Variants in CDHR2 observed in about 807,000 individuals in gnomAD.
CDHR2 encodes the protein cadherin-related family member 2.
A neutral mutation model predicts 138.6 loss-of-function variants in CDHR2; 104 were observed. The observed-to-expected ratio is 0.75, with a 90% CI of 0.64 to 0.88. The LOEUF (loss-of-function observed/expected upper bound fraction) is 0.88. Among genes scored for constraint, CDHR2 ranks in the 40% least tolerant of loss-of-function variants. The probability of loss-of-function intolerance (pLI) is 0.00; values close to 1 mark genes in which losing one functional copy is unlikely to be tolerated. For synonymous variants in CDHR2, 755 were observed against 742.8 expected, an observed-to-expected ratio of 1.02 and a Z score of -0.27; for missense variants, 1,624 against 1,727.6, an observed-to-expected ratio of 0.94 and a Z score of 1.06.
At chr5:176,589,222 G>A in intron 22 of CDHR2, 40 bp downstream of exon 22, 2 of 1,611,372 alleles carry the variant, frequency 1.2e-6, no homozygotes, top group Non-Finnish European at 1.7e-6. Context: ...TGCGGGGAGG[G>A]GCCCGATAGG....
In CDHR2 at chr5:176,590,590, C is replaced by T. The variant is rs913091581; in HGVS notation, c.3442C>T (p.Leu1148=). Residue 1148 remains leucine, a synonymous_variant, in exon 28 of 32, where the codon CTG becomes TTG. Transcript: ENST00000261944. ...CTCCCAGGAGAGCCAGGAGTCAGAC[C>T]TGTCGAAACAGCTCATCAGTGTCAT... ...LGSQESQESD[L]SKQLISVIIG... The T allele has an allele frequency of 1.9e-6, 3 of 1,613,930 alleles. No individual in the cohort carries two copies. The highest frequency in any genetic ancestry group is 2.7e-5 in the African/African-American group (2 of 74,884).
At chr5:176,570,808 G>C (rs906911716) in intron 5 of CDHR2, among the ~76,000 whole-genome samples, 2 of 151,956 alleles carry the variant, frequency 1.3e-5, no homozygotes. Flanking sequence ...AAAACTAACT[G>C]GGTGTGGTGG....
chr5:176,595,139 G>T (rs1167008582), intron 31 of CDHR2, among the ~76,000 whole-genome samples: 1 of 152,188 alleles, frequency 6.6e-6, no homozygotes, highest in Non-Finnish European at 1.5e-5. Flanking sequence ...GTTTCAGTGG[G>T]TAGTTGAGGT....
intron 16 of CDHR2, among the ~76,000 whole-genome samples, chr5:176,579,833 T>A (rs1318283812): frequency 6.6e-6 from 1 of 152,084 alleles, no homozygotes; most frequent in Non-Finnish European, 1.5e-5. Flanking sequence ...CCCTGAGTCC[T>A]CAGAGATGAG....
intron 21 of CDHR2, 129 bp from the exon 22 acceptor site, chr5:176,588,902 C>A: frequency 1.1e-6 from 1 of 875,416 alleles, no homozygotes; most frequent in Non-Finnish European, 1.8e-6. Context: ...TTATTCGGGG[C>A]AGCGTGGGGA....
chr5:176,571,138 T>C (rs1758219128), intron 5 of CDHR2, 75 bp from the exon 6 acceptor site: 1 of 948,578 alleles, frequency 1.1e-6, no homozygotes, highest in African/African-American at 1.6e-5. Flanking sequence ...ACACCAGCTC[T>C]TTGTACGATA....
In CDHR2 at chr5:176,590,025, C is replaced by T. The variant is rs376981808; in HGVS notation, c.3207-53C>T. 2.9e-5 allele frequency: 42 copies of T among 1,451,960 alleles called. No individual in the cohort carries two copies. In the African/African-American group the frequency reaches 5.2e-4, roughly 18 times the overall value. The allele number at this position is 1,451,960 out of a possible 1,614,324, so 89.9% of individuals were successfully genotyped here. On this transcript the variant is annotated intron_variant, in intron 24 of 31. Coordinates refer to ENST00000261944, the MANE Select transcript of CDHR2 (RefSeq NM_017675.6). Reference sequence around the variant, plus strand: ...CTTAATCCCACTGGCACAGCCCTGGCCACAGGCCCAGGCTAAGACCCCAGG... The same window carrying T: ...CTTAATCCCACTGGCACAGCCCTGGTCACAGGCCCAGGCTAAGACCCCAGG...
Position 176,590,467 on chromosome 5 carries a change from G to A in CDHR2, c.3396G>A (p.Gln1132=). 6.2e-7 allele frequency: 1 copy of A among 1,614,058 alleles called. No individual in the cohort carries two copies. Among genetic ancestry groups the A allele is most frequent in the South Asian group, 1.1e-5 (1 of 91,084 alleles). ...NDQDSLTQLL[Q]LGLVVLGSQE... Reference sequence around the variant, plus strand: ...AGGACTCGCTGACGCAGCTGCTGCAGCTGGGGCTGGTGGTGCTGGTGAGTG... The same window carrying A: ...AGGACTCGCTGACGCAGCTGCTGCAACTGGGGCTGGTGGTGCTGGTGAGTG... Residue 1132 remains glutamine (Q), a synonymous_variant, in exon 27 of 32, where the codon CAG becomes CAA. Coordinates refer to ENST00000261944, the MANE Select transcript of CDHR2 (RefSeq NM_017675.6).
At chr5:176,566,473 G>A (rs1482271786) in intron 3 of CDHR2, among the ~76,000 whole-genome samples, 1 of 152,214 alleles carries the variant, frequency 6.6e-6, no homozygotes, top group African/African-American at 2.4e-5. Flanking sequence ...GGCCGGGTTG[G>A]TTGGGACCCC....
At chr5:176,591,986 TGAG>T (rs1758869769) in intron 30 of CDHR2, among the ~76,000 whole-genome samples, 1 of 147,882 alleles carries the variant, frequency 6.8e-6, no homozygotes, top group African/African-American at 2.5e-5. Context: ...GTGTTGGTGT[TGAG>T]GTGATGGTGG....
At position 176,576,273 on chromosome 5, in the gene CDHR2, G is replaced by A; in HGVS notation, c.1194+88G>A. On this transcript the variant is annotated intron_variant, in intron 12 of 31. Coordinates refer to ENST00000261944, the MANE Select transcript of CDHR2 (RefSeq NM_017675.6). This position sits in a 1 kb window ranked among gnomAD's most constrained non-coding sequence, Gnocchi z 4.5. Reference sequence around the variant, plus strand: ...GAGTGACGGTGTCATGTGGTGCTGGGTGGCGGTGCTGGTGGTGCAGGGTGT... The same window carrying A: ...GAGTGACGGTGTCATGTGGTGCTGGATGGCGGTGCTGGTGGTGCAGGGTGT... 1.9e-6 allele frequency: 2 copies of A among 1,076,892 alleles called. No homozygotes were observed. Among genetic ancestry groups the A allele is most frequent in the Non-Finnish European group, 2.7e-6 (2 of 738,494 alleles). 66.7% of individuals were successfully genotyped at this position (1,076,892 alleles called of 1,614,324 possible). A position where few individuals can be genotyped will look rare whatever the true frequency, so the allele number is the denominator to read the frequency against.
At chr5:176,567,498 T>C (rs1208392318) in intron 3 of CDHR2, among the ~76,000 whole-genome samples, 3 of 150,530 alleles carry the variant, frequency 2.0e-5, no homozygotes, top group South Asian at 2.1e-4. Context: ...ATTTTTATAT[T>C]TATTTATTTT....
chr5:176,575,919 T>TCTCTGCC (rs775363089), intron 11 of CDHR2, 33 bp from the exon 12 acceptor site: 79 of 1,587,354 alleles, frequency 5.0e-5, no homozygotes, highest in South Asian at 2.6e-4. Context: ...GAGCACTGGC[T>TCTCTGCC]CTCTGCCCTC....
At chr5:176,544,787 T>G (rs1010590231), upstream of CDHR2, among the ~76,000 whole-genome samples, 1 of 152,194 alleles carries the variant, frequency 6.6e-6, no homozygotes, top group African/African-American at 2.4e-5. Flanking sequence ...ATCACGGGGA[T>G]ATTCTTGGGC....
intron 1 of CDHR2, among the ~76,000 whole-genome samples, chr5:176,559,051 C>T (rs1023810368): frequency 1.3e-5 from 2 of 152,186 alleles, no homozygotes; most frequent in Admixed American, 6.5e-5. Flanking sequence ...GGCCTCTTAA[C>T]GTGGTTAGCT....
In CDHR2 at chr5:176,589,620, G is replaced by T; in HGVS notation, c.3206+4G>T. On this transcript the variant is annotated splice_donor_region_variant and intron_variant, in intron 24 of 31. Transcript: ENST00000261944. ...CCAACAGACAGGCGATTAATGCGTA[G>T]GTCTGGGGAGCCCCGGAGGGAGGGG... 1 of 1,613,720 alleles carries T rather than the reference G, an allele frequency of 6.2e-7. No individual in the cohort carries two copies. Among genetic ancestry groups the T allele is most frequent in the Non-Finnish European group, 8.5e-7 (1 of 1,179,760 alleles).
chr5:176,591,335 T>C lies in CDHR2; in HGVS notation c.3653+12T>C, dbSNP rs1758836547. The C allele has an allele frequency of 6.2e-7, 1 of 1,612,120 alleles. No individual in the cohort carries two copies. The highest frequency in any genetic ancestry group is 8.5e-7 in the Non-Finnish European group (1 of 1,178,294). On this transcript the variant is annotated intron_variant, in intron 29 of 31. Coordinates refer to ENST00000261944, the MANE Select transcript of CDHR2 (RefSeq NM_017675.6). ...TACAACACTGAGCGGTGAGCAGGGG[T>C]CAAAGGGTAGGTAAGAGGCCTGGTG...
At chr5:176,567,913 A>G (rs1180764133) in intron 3 of CDHR2, among the ~76,000 whole-genome samples, 1 of 152,218 alleles carries the variant, frequency 6.6e-6, no homozygotes, top group Admixed American at 6.5e-5. Context: ...ACAGATGTAA[A>G]CCACCATACC....
rs548300942 is a variant in CDHR2 at position 176,588,024 on chromosome 5, G to A, written c.2857-1007G>A. On this transcript the variant is annotated intron_variant, in intron 21 of 31. Transcript: ENST00000261944. ...CCTTAACAGTAACGTTGGTGAACTC[G>A]AAGCTCTGTGTGCTGGTTAAATTTT... 3.3e-5 allele frequency among the ~76,000 whole-genome samples: 5 copies of A among 152,262 alleles called. No individual in the cohort carries two copies. The East Asian group carries it at 5.8e-4, about 18-fold the overall frequency.
Sources: allele counts gnomAD v4.1 joint callset (sites outside exome capture counted in the v4.1 genomes callset), GRCh38; gene constraint gnomAD v4.1.1; non-coding constraint Gnocchi (gnomAD v3.1); transcripts MANE v1.5; gene names NCBI Gene and HGNC (gene_info 2026-07-23, HGNC 2026-07-21).